Variants in CSMD1 observed in about 807,000 individuals in gnomAD.
CSMD1 encodes CUB and Sushi multiple domains 1, also known as CUB and sushi domain-containing protein 1.
CSMD1 carries 213 observed loss-of-function variants against 417.5 expected under a neutral mutation model. The ratio of observed to expected loss-of-function variants is 0.51; its 90% confidence interval spans 0.46 to 0.57. CSMD1 has a LOEUF of 0.57. CSMD1 is among the 20% of genes least tolerant of loss of function. The probability of loss-of-function intolerance (pLI) is 0.00; values close to 1 mark genes in which losing one functional copy is unlikely to be tolerated. For missense variants in CSMD1, 6,923 were observed against 4,529.7 expected (o/e 1.53, Z -15.17); for synonymous variants, 2,862 against 1,736.8 (o/e 1.65, Z -16.11).
chr8:4,528,847 G>A (rs1036004995), intron 2 of CSMD1, among the ~76,000 whole-genome samples: 2 of 152,070 alleles, frequency 1.3e-5, no homozygotes, highest in Admixed American at 6.6e-5. Context: ...CTTTTAAGAA[G>A]TGTCCTAAGA....
chr8:3,967,877 G>T (rs989671820), intron 5 of CSMD1, among the ~76,000 whole-genome samples: 1 of 151,868 alleles, frequency 6.6e-6, no homozygotes, highest in African/African-American at 2.4e-5. Flanking sequence ...TTAAGAATGT[G>T]CCACAATTGG....
rs536302077 is a variant in CSMD1 at position 4,664,387 on chromosome 8, C to G, written c.86-26829G>C. ...CCAGCCTGGGCAACATGGTGAAACC[C>G]CATGTCTACAGTAGAAACGAAAATT... On this transcript the variant is annotated intron_variant, in intron 1 of 69. Coordinates refer to ENST00000635120, the MANE Select transcript of CSMD1 (RefSeq NM_033225.6). Among the ~76,000 whole-genome samples the G allele has an allele frequency of 2.6e-5, 4 of 152,120 alleles. No individual in the cohort carries two copies. The South Asian group carries it at 8.3e-4, about 32-fold the overall frequency.
chr8:4,327,050 C>A (rs773274422), intron 3 of CSMD1, among the ~76,000 whole-genome samples: 1 of 152,118 alleles, frequency 6.6e-6, no homozygotes, highest in African/African-American at 2.4e-5. Context: ...GATTCCAACT[C>A]AGAAGACGAC....
chr8:3,347,916 T>C (rs894082455), intron 22 of CSMD1, 76 bp downstream of exon 22: 10 of 941,452 alleles, frequency 1.1e-5, no homozygotes, highest in African/African-American at 1.7e-5. Context: ...TATATCTATA[T>C]GTAGAAAAAT....
chr8:3,824,301 G>A (rs1041243566), intron 5 of CSMD1, among the ~76,000 whole-genome samples: 2 of 151,676 alleles, frequency 1.3e-5, no homozygotes, highest in Admixed American at 6.6e-5. Context: ...GTTAACAAAC[G>A]GGCACAACAG....
intron 2 of CSMD1, among the ~76,000 whole-genome samples, chr8:4,628,322 G>T (rs936820747): frequency 6.7e-6 from 1 of 150,156 alleles, no homozygotes; most frequent in African/African-American, 2.4e-5. Context: ...TTAAGTTTTA[G>T]GAAGTCCAAT....
intron 5 of CSMD1, among the ~76,000 whole-genome samples, chr8:3,946,240 C>G (rs1195941449): frequency 6.6e-6 from 1 of 152,148 alleles, no homozygotes; most frequent in Non-Finnish European, 1.5e-5. Context: ...TTGTATGCAT[C>G]TTGATATTGT....
At chr8:3,971,614 T>A (rs73494938) in intron 5 of CSMD1, among the ~76,000 whole-genome samples, 4,363 of 152,258 alleles carry the variant, frequency 0.029, 82 homozygotes, top group African/African-American at 0.032. Flanking sequence ...CGGTCACTTC[T>A]ACTTCTATTT....
intron 3 of CSMD1, among the ~76,000 whole-genome samples, chr8:4,320,885 GTTTGT>G (rs1185369384): frequency 1.3e-5 from 2 of 152,048 alleles, no homozygotes; most frequent in Non-Finnish European, 2.9e-5. Flanking sequence ...ACACACTTAT[GTTTGT>G]TTTGTTTTTC....
At chr8:3,656,736 G>T (rs1004260813) in intron 7 of CSMD1, among the ~76,000 whole-genome samples, 1 of 152,084 alleles carries the variant, frequency 6.6e-6, no homozygotes, top group Non-Finnish European at 1.5e-5. Flanking sequence ...GACCAGCCTG[G>T]CTAACATGGC....
At chr8:3,412,161 T>C (rs1474309171) in intron 12 of CSMD1, among the ~76,000 whole-genome samples, 1 of 125,466 alleles carries the variant, frequency 8.0e-6, no homozygotes, top group Non-Finnish European at 1.8e-5. Flanking sequence ...CACACGTATA[T>C]ATACATATAT....
At chr8:3,715,178 T>C (rs1801757308) in intron 6 of CSMD1, among the ~76,000 whole-genome samples, 1 of 152,172 alleles carries the variant, frequency 6.6e-6, no homozygotes, top group Admixed American at 6.5e-5. Context: ...TTTTGCAAAT[T>C]ATTCATCAAA....
intron 17 of CSMD1, 35 bp downstream of exon 17, chr8:3,396,159 G>T: frequency 6.5e-7 from 1 of 1,527,990 alleles, no homozygotes; most frequent in Non-Finnish European, 8.9e-7. Context: ...CATGCATGCT[G>T]CCCTGCCGGG....
At chr8:4,193,014 G>T (rs937248856) in intron 3 of CSMD1, among the ~76,000 whole-genome samples, 5 of 152,164 alleles carry the variant, frequency 3.3e-5, no homozygotes, top group African/African-American at 1.2e-4. Context: ...TTGTAACTCA[G>T]GAACTGATCT....
chr8:4,221,883 A>G (rs10503242), intron 3 of CSMD1, among the ~76,000 whole-genome samples: 6,938 of 152,282 alleles, frequency 0.046, 177 homozygotes, highest in East Asian at 0.095. Context: ...AATTCTTAGC[A>G]GAGGAAATTC....
chr8:3,347,839 C>T (rs973322949), intron 22 of CSMD1, among the ~76,000 whole-genome samples, 153 bp downstream of exon 22: 4 of 152,166 alleles, frequency 2.6e-5, no homozygotes, highest in African/African-American at 7.2e-5. Context: ...GACATTACAC[C>T]TTCTCAAACT....
chr8:4,451,911 C>T (rs80094404), intron 2 of CSMD1, among the ~76,000 whole-genome samples: 1 of 150,106 alleles, frequency 6.7e-6, no homozygotes, highest in African/African-American at 2.4e-5. Context: ...AAAATGATAC[C>T]TGCCCAGAGA....
intron 5 of CSMD1, among the ~76,000 whole-genome samples, chr8:3,936,120 A>G (rs1229057432): frequency 6.6e-6 from 1 of 151,962 alleles, no homozygotes; most frequent in Non-Finnish European, 1.5e-5. Flanking sequence ...CTGAAGGTAG[A>G]GAGAAGTAAG....
In CSMD1 at chr8:4,182,074, G is replaced by C. The variant is rs550452591; in HGVS notation, c.416-149975C>G. Among the ~76,000 whole-genome samples the C allele has an allele frequency of 2.5e-4, 38 of 150,400 alleles. No homozygotes were observed. The South Asian group carries it at 8.0e-3, about 32-fold the overall frequency. On this transcript the variant is annotated intron_variant, in intron 3 of 69. Coordinates refer to ENST00000635120, the MANE Select transcript of CSMD1 (RefSeq NM_033225.6). ...TGTGTGTGTGTGTATACCTAAATTA[G>C]GTATTTAAACCTACCTGAATAGCAT... is the stretch of plus-strand genomic sequence containing the variant.
Sources: allele counts gnomAD v4.1 joint callset (sites outside exome capture counted in the v4.1 genomes callset), GRCh38; gene constraint gnomAD v4.1.1; transcripts MANE v1.5; gene names NCBI Gene and HGNC (gene_info 2026-07-23, HGNC 2026-07-21).